The following ITPR2 variants were observed in gnomAD, a reference collection of about 807,000 sequenced individuals.
The protein encoded by ITPR2 is inositol 1,4,5-trisphosphate-gated calcium channel ITPR2.
A neutral mutation model predicts 317.1 loss-of-function variants in ITPR2; 207 were observed. The ratio of observed to expected loss-of-function variants is 0.65; its 90% confidence interval spans 0.58 to 0.73. The LOEUF is 0.73. Ranked by LOEUF, ITPR2 falls within the 30% of genes least tolerant of loss-of-function variation. ITPR2 has a pLI of 0.00. For missense variants in ITPR2, 2,613 were observed against 3,284.0 expected (o/e 0.80, Z 4.99); for synonymous variants, 1,156 against 1,149.1 (o/e 1.01, Z -0.12).
chr12:26,802,026 G>A lies in ITPR2; in HGVS notation c.93-11799C>T, dbSNP rs1288508278. ...AGCCAAAGGAAGGTATGGGCCAGGG[G>A]TAGTAGCTTATGCCTGTAATCCCAG... is the stretch of plus-strand genomic sequence containing the variant. On this transcript the variant is annotated intron_variant, in intron 1 of 56. Transcript: ENST00000381340. Among the ~76,000 whole-genome samples, 3 of 152,200 alleles carry A rather than the reference G, an allele frequency of 2.0e-5. 1 individual carries two copies. Among genetic ancestry groups the A allele is most frequent in the East Asian group, 3.8e-4 (2 of 5,196 alleles).
At chr12:26,786,722 C>G (rs372257256) in intron 2 of ITPR2, among the ~76,000 whole-genome samples, 1 of 152,146 alleles carries the variant, frequency 6.6e-6, no homozygotes, top group South Asian at 2.1e-4. Context: ...AGGAGTTGTA[C>G]TAGATTTACT....
At chr12:26,464,008 T>C (rs757094856) in intron 45 of ITPR2, among the ~76,000 whole-genome samples, 3 of 152,160 alleles carry the variant, frequency 2.0e-5, no homozygotes, top group African/African-American at 4.8e-5. Context: ...ATCCATAAGA[T>C]TCATCTAAAA....
rs540067326 is a variant in ITPR2 at position 26,392,585 on chromosome 12, C to G, written c.7697-4991G>C. Among the ~76,000 whole-genome samples, 4 of 152,204 alleles carry G rather than the reference C, an allele frequency of 2.6e-5. No individual in the cohort carries two copies. In the South Asian group the frequency reaches 8.3e-4, roughly 32 times the overall value. ...CCAGCACCTGGCAGTGTCTGGAGAA[C>G]AGTAGGCATGCAACTAAATTTGACA... On this transcript the variant is annotated intron_variant, in intron 54 of 56. Transcript: ENST00000381340.
intron 34 of ITPR2, among the ~76,000 whole-genome samples, chr12:26,577,182 T>C (rs903239825): frequency 6.6e-6 from 1 of 152,148 alleles, no homozygotes; most frequent in Admixed American, 6.5e-5. Context: ...CAAAACAGAG[T>C]AAGCACAAAA....
intron 37 of ITPR2, among the ~76,000 whole-genome samples, chr12:26,502,051 GAGA>G (rs1370993318): frequency 1.3e-5 from 2 of 152,206 alleles, no homozygotes; most frequent in Admixed American, 6.5e-5. Context: ...CAGGGTTGCT[GAGA>G]AGGTTTTGTT....
intron 2 of ITPR2, among the ~76,000 whole-genome samples, chr12:26,745,433 G>T (rs1215194664): frequency 6.6e-6 from 1 of 152,190 alleles, no homozygotes; most frequent in Non-Finnish European, 1.5e-5. Context: ...CTAACAATCC[G>T]ATTACAGGAT....
intron 55 of ITPR2, among the ~76,000 whole-genome samples, chr12:26,374,729 C>CTGCG (rs1939287837): frequency 6.6e-6 from 1 of 152,164 alleles, no homozygotes. Flanking sequence ...ACTCAGAGAG[C>CTGCG]TGCGGTAACT....
chr12:26,810,917 C>G (rs940114880), intron 1 of ITPR2, among the ~76,000 whole-genome samples: 1 of 151,946 alleles, frequency 6.6e-6, no homozygotes, highest in Non-Finnish European at 1.5e-5. Context: ...CCTCCTGCCT[C>G]AGCCTCCCAA....
chr12:26,527,630 T>C (rs1943841982), intron 37 of ITPR2, among the ~76,000 whole-genome samples: 1 of 152,220 alleles, frequency 6.6e-6, no homozygotes, highest in Non-Finnish European at 1.5e-5. Context: ...CTGGGAGTAA[T>C]GCATAGTTTA....
intron 26 of ITPR2, among the ~76,000 whole-genome samples, chr12:26,603,757 A>G (rs1946057802): frequency 6.6e-6 from 1 of 152,206 alleles, no homozygotes; most frequent in South Asian, 2.1e-4. Flanking sequence ...AGCAGGGAAA[A>G]GCCTTGCCAG....
intron 26 of ITPR2, among the ~76,000 whole-genome samples, chr12:26,608,012 T>C (rs1946175551): frequency 6.6e-6 from 1 of 152,072 alleles, no homozygotes; most frequent in African/African-American, 2.4e-5. Context: ...TCCCGGCTAC[T>C]CGGGAGGCTG....
chr12:26,556,374 T>A lies in ITPR2; in HGVS notation c.4823A>T (p.Asp1608Val). 1 of 1,609,680 alleles carries A rather than the reference T, an allele frequency of 6.2e-7. No individual in the cohort carries two copies. The highest frequency in any genetic ancestry group is 8.5e-7 in the Non-Finnish European group (1 of 1,178,838). Residue 1608 changes from aspartate (D) to valine (V), a missense_variant and splice_region_variant, in exon 36 of 57, where the codon GAT (aspartate) becomes GTT (valine). Around this residue, in one of 9 missense-constraint regions of ITPR2, gnomAD observed 926 missense variants for 1,072.8 expected, o/e 0.86. Transcript: ENST00000381340. Reference sequence around the variant, plus strand: ...CTGGTGCTCCAAGGAGGCCACTACATCCTAGGGAATGAAACACAAGAGAAC... The same window carrying A: ...CTGGTGCTCCAAGGAGGCCACTACAACCTAGGGAATGAAACACAAGAGAAC... ...DYRNIIEKLQ[D>V]VVASLEHQFS... is the part of the protein sequence containing the mutation.
At position 26,487,132 on chromosome 12, in the gene ITPR2, T is replaced by G; in HGVS notation, c.5490A>C (p.Ile1830=). The part of the protein sequence containing the change: ...EIRSTVTVNT[I]DLGNKKRDDD... The stretch of plus-strand genomic sequence containing the variant: ...CGTCCCTTTTTTTGTTACCTAAATC[T>G]ATGGTATTAACTGTCACTGTTGATC... Residue 1830 remains isoleucine (I), a synonymous_variant, in exon 40 of 57, where the codon ATA becomes ATC. Coordinates refer to ENST00000381340, the MANE Select transcript of ITPR2 (RefSeq NM_002223.4). 1 of 1,613,410 alleles carries G rather than the reference T, an allele frequency of 6.2e-7. No individual in the cohort carries two copies. The highest frequency in any genetic ancestry group is 1.7e-5 in the Admixed American group (1 of 59,924).
At chr12:26,590,192 T>G (rs937315672) in intron 32 of ITPR2, among the ~76,000 whole-genome samples, 1 of 151,928 alleles carries the variant, frequency 6.6e-6, no homozygotes, top group South Asian at 2.1e-4. Flanking sequence ...CCCAGAAAAT[T>G]CTCTCTGTAG....
chr12:26,759,788 C>T (rs748594565), intron 2 of ITPR2, among the ~76,000 whole-genome samples: 2 of 152,144 alleles, frequency 1.3e-5, no homozygotes, highest in Non-Finnish European at 2.9e-5. Context: ...AACTCTTCGG[C>T]TAAGCCCAAG....
rs749786861 is a variant in ITPR2 at position 26,658,035 on chromosome 12, T to C, written c.1982A>G (p.Asn661Ser). The C allele has an allele frequency of 1.9e-6, 3 of 1,613,060 alleles. No homozygotes were observed. The highest frequency in any genetic ancestry group is 2.2e-5 in the East Asian group (1 of 44,858). The change falls in exon 17 of 57, where the codon AAT becomes AGT. Residue 661 changes from asparagine (N) to serine (S), a missense_variant. Around this residue, in one of 9 missense-constraint regions of ITPR2, gnomAD observed 817 missense variants for 897.6 expected, o/e 0.91. Transcript: ENST00000381340. Reference sequence around the variant, plus strand: ...CTTAGTTTGAATGAGAATGTCTGCATTGCCTGGACTCAACATAAATTTACA... The same window carrying C: ...CTTAGTTTGAATGAGAATGTCTGCACTGCCTGGACTCAACATAAATTTACA... ...LICKFMLSPG[N>S]ADILIQTKVV...
At chr12:26,758,308 A>C (rs1949564231) in intron 2 of ITPR2, among the ~76,000 whole-genome samples, 1 of 152,206 alleles carries the variant, frequency 6.6e-6, no homozygotes, top group Non-Finnish European at 1.5e-5. Flanking sequence ...GAAAATTTAG[A>C]AATAACAAAA....
chr12:26,681,388 C>A (rs1019580543), intron 13 of ITPR2, among the ~76,000 whole-genome samples: 4 of 152,102 alleles, frequency 2.6e-5, no homozygotes, highest in South Asian at 2.1e-4. Context: ...AATCAAGGTT[C>A]CAGTTTCTCT....
chr12:26,372,258 C>A (rs1339115346), intron 55 of ITPR2, among the ~76,000 whole-genome samples: 1 of 152,142 alleles, frequency 6.6e-6, no homozygotes, highest in African/African-American at 2.4e-5. Context: ...TTTGTGCTCT[C>A]CTGCAGGATC....
Sources: allele counts gnomAD v4.1 joint callset (sites outside exome capture counted in the v4.1 genomes callset), GRCh38; gene constraint gnomAD v4.1.1; regional missense constraint gnomAD v4.1.1; transcripts MANE v1.5; gene names NCBI Gene and HGNC (gene_info 2026-07-23, HGNC 2026-07-21).